Variants in VWF observed in about 807,000 individuals in gnomAD.
VWF encodes von Willebrand factor.
In VWF, 176 loss-of-function variants were observed where a neutral mutation model predicts 308.6. The ratio of observed to expected loss-of-function variants is 0.57; its 90% CI spans 0.50 to 0.65. VWF has a LOEUF of 0.65. Among genes scored for constraint, VWF ranks in the 30% least tolerant of loss-of-function variants. The probability of loss-of-function intolerance (pLI) is 0.00; values close to 1 mark genes in which losing one functional copy is unlikely to be tolerated. For synonymous variants in VWF, 1,385 were observed against 1,443.4 expected (o/e 0.96, Z 0.92); for missense variants, 3,146 against 3,648.2 (o/e 0.86, Z 3.55).
At chr12:6,003,102 G>C (rs559222316) in intron 34 of VWF, among the ~76,000 whole-genome samples, 32 of 152,188 alleles carry the variant, frequency 2.1e-4, no homozygotes, top group African/African-American at 7.7e-4. Flanking sequence ...AGAAGATGTA[G>C]ACAAAATCAA....
intron 20 of VWF, among the ~76,000 whole-genome samples, chr12:6,032,780 TCAAA>T (rs1217040310): frequency 1.4e-5 from 2 of 141,874 alleles, no homozygotes; most frequent in African/African-American, 2.7e-5. Context: ...ATGCATACAC[TCAAA>T]CACACATATA....
chr12:6,066,411 T>G (rs541978743), intron 10 of VWF, among the ~76,000 whole-genome samples: 4 of 152,304 alleles, frequency 2.6e-5, no homozygotes, highest in South Asian at 4.1e-4. Flanking sequence ...AAGAAATATA[T>G]ATAGAGAGAG....
At chr12:6,064,176 G>A (rs1189929883) in intron 12 of VWF, 70 bp downstream of exon 12, 2 of 1,611,524 alleles carry the variant, frequency 1.2e-6, no homozygotes, top group African/African-American at 1.3e-5. Flanking sequence ...CAGTGGCCAG[G>A]GTTGAGAAGG....
intron 40 of VWF, among the ~76,000 whole-genome samples, chr12:5,984,001 TAGATAGATAGATAGATAGAC>T (rs1017457920): frequency 2.7e-4 from 32 of 120,448 alleles, no homozygotes; most frequent in African/African-American, 7.2e-4. Flanking sequence ...GATAGATAGA[TAGATAGATAGATAGATAGAC>T]AGACAGACAG....
At chr12:5,987,388 A>T (rs1486745875) in intron 38 of VWF, among the ~76,000 whole-genome samples, 2 of 152,270 alleles carry the variant, frequency 1.3e-5, no homozygotes, top group African/African-American at 4.8e-5. Flanking sequence ...ACAAATAATG[A>T]AACTGAGACA....
intron 5 of VWF, among the ~76,000 whole-genome samples, chr12:6,099,256 T>C (rs757273440): frequency 9.4e-5 from 14 of 148,412 alleles, no homozygotes; most frequent in East Asian, 2.0e-4. Context: ...GCAGAGGAGG[T>C]TGCAGTGAGC....
At chr12:5,951,983 GT>G (rs1943196735) in intron 49 of VWF, 100 bp from the exon 50 acceptor site, 1 of 1,136,196 alleles carries the variant, frequency 8.8e-7, no homozygotes, top group Non-Finnish European at 1.3e-6. Flanking sequence ...TCACAGCCCT[GT>G]GCTTAAGTGC....
chr12:5,996,117 T>C lies in VWF; in HGVS notation c.5948A>G (p.Asp1983Gly). 6.2e-7 allele frequency: 1 copy of C among 1,614,122 alleles called. No individual in the cohort carries two copies. The highest frequency in any genetic ancestry group is 8.5e-7 in the Non-Finnish European group (1 of 1,180,040). The change falls in exon 35 of 52, where the codon GAC becomes GGC. Residue 1983 changes from aspartate (D) to glycine (G), a missense_variant. Asp to Gly is a moderately conservative substitution (Grantham distance 94). This residue lies in a region of VWF where 989 missense variants were observed against 1,117.4 expected (regional missense o/e 0.89). Transcript: ENST00000261405. ...SYVLFQNKEQ[D>G]LEVILHNGAC... ...ACCATTATGGAGAATCACCTCCAGG[T>C]CCTGCTCCTTGTTTTGAAATAGGAC... is the stretch of plus-strand genomic sequence containing the variant.
At position 6,092,618 on chromosome 12, in the gene VWF, A is replaced by AGTGTGTGT. The variant is rs752209524; in HGVS notation, c.657+2834_657+2841dup. Among the ~76,000 whole-genome samples the AGTGTGTGT allele has an allele frequency of 6.4e-3, 425 of 66,160 alleles. 5 individuals carry two copies. The highest frequency in any genetic ancestry group is 8.2e-3 in the Non-Finnish European group (284 of 34,650). The allele number at this position is 66,160 out of a possible 152,430, so 43.4% of individuals were successfully genotyped here. ...CCCAGCTAGTTAGTGAGTGAGTGAG[A>AGTGTGTGT]GTGTGTGTGTGTGTGTGTGTGTGTG... On this transcript the variant is annotated intron_variant, in intron 6 of 51. Transcript: ENST00000261405.
chr12:5,951,990 A>C (rs896843155), intron 49 of VWF, 107 bp from the exon 50 acceptor site: 12 of 1,101,148 alleles, frequency 1.1e-5, no homozygotes, highest in Non-Finnish European at 1.7e-5. Flanking sequence ...CCTGTGCTTA[A>C]GTGCCCAGAT....
At chr12:6,025,460 T>G in intron 24 of VWF, 120 bp downstream of exon 24, 1 of 832,130 alleles carries the variant, frequency 1.2e-6, no homozygotes, top group Admixed American at 2.0e-5. Context: ...AAGTGGTGTC[T>G]TGGTGCAGAT....
intron 31 of VWF, 115 bp from the exon 32 acceptor site, chr12:6,013,760 T>A: frequency 8.6e-7 from 1 of 1,162,926 alleles, no homozygotes. Flanking sequence ...GCTGGTCACA[T>A]ACATCAGCCC....
chr12:5,987,825 GT>G (rs1363741144), intron 38 of VWF, among the ~76,000 whole-genome samples: 26 of 152,208 alleles, frequency 1.7e-4, no homozygotes, highest in African/African-American at 6.3e-4. Flanking sequence ...CAGACCAGTA[GT>G]TGTCTAGGGT....
At chr12:5,998,949 G>A (rs1488715587) in intron 34 of VWF, among the ~76,000 whole-genome samples, 4 of 152,104 alleles carry the variant, frequency 2.6e-5, no homozygotes, top group Non-Finnish European at 4.4e-5. Context: ...GGCTGGTCTC[G>A]AACTCCTGAC....
At chr12:5,949,444 A>G (rs1197848557) in intron 51 of VWF, among the ~76,000 whole-genome samples, 3 of 152,178 alleles carry the variant, frequency 2.0e-5, no homozygotes, top group Admixed American at 2.0e-4. Context: ...TATGCATGTT[A>G]ATGCATAAAA....
intron 40 of VWF, among the ~76,000 whole-genome samples, chr12:5,983,794 G>GAGATATATAGATAGATAGAT (rs1943640417): frequency 6.7e-6 from 1 of 148,656 alleles, no homozygotes; most frequent in Non-Finnish European, 1.5e-5. Context: ...AGATACAATA[G>GAGATATATAGATAGATAGAT]AGATAGATAG....
intron 51 of VWF, 61 bp downstream of exon 51, chr12:5,949,725 G>T: frequency 6.7e-7 from 1 of 1,491,926 alleles, no homozygotes; most frequent in Non-Finnish European, 9.4e-7. Context: ...ACTAAGGATA[G>T]GTATCCGAAC....
In VWF at chr12:6,044,377, G is replaced by A; in HGVS notation, c.2356C>T (p.Leu786Phe). 1.2e-6 allele frequency: 2 copies of A among 1,614,184 alleles called. No homozygotes were observed. Among genetic ancestry groups the A allele is most frequent in the East Asian group, 2.2e-5 (1 of 44,886 alleles). The change falls in exon 18 of 52, where the codon CTC (leucine) becomes TTC (phenylalanine). Residue 786 changes from leucine (L) to phenylalanine (F), a missense_variant. Physicochemically the swap from Leu to Phe is conservative, Grantham distance 22. Transcript: ENST00000261405. ...CPADNLRAEGLECTKTCQNYD... is the reference protein window; with the variant it reads ...CPADNLRAEGFECTKTCQNYD... ...TTCTGGCACGTTTTGGTACACTCGA[G>A]CCCTTCAGCCCGCAGGTTGTCAGCG...
Position 6,052,625 on chromosome 12 carries a change from C to G in VWF, c.2104G>C (p.Val702Leu), listed in dbSNP as rs767946240. 1 of 1,614,242 alleles carries G rather than the reference C, an allele frequency of 6.2e-7. No individual in the cohort carries two copies. The change falls in exon 16 of 52, where the codon GTG (valine) becomes CTG (leucine). Residue 702 changes from valine (V) to leucine (L), a missense_variant. Physicochemically the swap from Val to Leu is conservative, Grantham distance 32. Transcript: ENST00000261405. ...TAACAGGGGCACTGGGCCTTGGGCA[C>G]GCAGTCCCCCCTCTCATCCATGTAG... Reference protein sequence around the residue: ...GLYMDERGDCVPKAQCPCYYD... With the variant: ...GLYMDERGDCLPKAQCPCYYD...
Sources: gnomAD v4.1 joint callset for allele counts (sites outside exome capture counted in the v4.1 genomes callset) on GRCh38, gnomAD v4.1.1 for gene constraint, gnomAD v4.1.1 regional missense constraint, MANE v1.5 for transcripts, NCBI Gene and HGNC (gene_info 2026-07-23, HGNC 2026-07-21) for gene names.